Variants in PTPRD observed in about 807,000 individuals in gnomAD.
PTPRD encodes protein tyrosine phosphatase receptor type D.
Under a neutral mutation model 214.5 loss-of-function variants are expected in PTPRD, and 34 were observed. The ratio of observed to expected loss-of-function variants is 0.16; its 90% CI spans 0.12 to 0.21. PTPRD has a LOEUF of 0.21. Among genes scored for constraint, PTPRD ranks in the 10% least tolerant of loss-of-function variants. The pLI, the probability that PTPRD is intolerant of heterozygous loss-of-function variation, is 1.00. For synonymous variants in PTPRD, 1,128 were observed against 845.7 expected (o/e 1.33, Z -5.79); for missense variants, 2,545 against 2,398.7 (o/e 1.06, Z -1.27).
chr9:9,568,698 C>T (rs1302215910), intron 8 of PTPRD, among the ~76,000 whole-genome samples: 1 of 151,844 alleles, frequency 6.6e-6, no homozygotes, highest in Non-Finnish European at 1.5e-5. Context: ...GTCCCTTCAT[C>T]TACTAATTAT....
chr9:8,687,117 A>G (rs991795569), intron 12 of PTPRD, among the ~76,000 whole-genome samples: 14 of 152,214 alleles, frequency 9.2e-5, no homozygotes, highest in African/African-American at 4.8e-5. Context: ...AGCAAACACT[A>G]GACTCTCCTA....
chr9:8,787,317 A>G (rs773812351), intron 11 of PTPRD, among the ~76,000 whole-genome samples: 7 of 152,184 alleles, frequency 4.6e-5, no homozygotes, highest in Middle Eastern at 3.2e-3. Flanking sequence ...CAACAGCAAT[A>G]TGGAGTCAAA....
chr9:9,753,720 GCT>G (rs968972627), intron 6 of PTPRD, among the ~76,000 whole-genome samples: 37 of 152,054 alleles, frequency 2.4e-4, no homozygotes, highest in Admixed American at 2.4e-3. Flanking sequence ...TGTCGCAGAT[GCT>G]CTCTGAAAAT....
intron 11 of PTPRD, among the ~76,000 whole-genome samples, chr9:8,975,177 G>T (rs566542985): frequency 3.3e-5 from 5 of 150,242 alleles, no homozygotes; most frequent in African/African-American, 4.9e-5. Context: ...GATACATATT[G>T]AATATATTCT....
intron 9 of PTPRD, among the ~76,000 whole-genome samples, chr9:9,364,044 T>C (rs1484526193): frequency 6.6e-6 from 1 of 151,438 alleles, no homozygotes; most frequent in East Asian, 1.9e-4. Context: ...TCTATAATAC[T>C]TTACATATTT....
intron 2 of PTPRD, among the ~76,000 whole-genome samples, chr9:10,549,325 C>T (rs2060811941): frequency 6.6e-6 from 1 of 152,010 alleles, no homozygotes; most frequent in Non-Finnish European, 1.5e-5. Flanking sequence ...CAGTGAGAAT[C>T]TAGAGTTTCA....
chr9:9,175,147 A>G (rs978724605), intron 10 of PTPRD, among the ~76,000 whole-genome samples: 2 of 152,150 alleles, frequency 1.3e-5, no homozygotes, highest in East Asian at 3.9e-4. Flanking sequence ...ATTGCTGTTT[A>G]TATGCCACCC....
At chr9:9,479,124 C>T (rs1047838651) in intron 8 of PTPRD, among the ~76,000 whole-genome samples, 3 of 149,902 alleles carry the variant, frequency 2.0e-5, no homozygotes, top group Non-Finnish European at 3.0e-5. Flanking sequence ...CATTTTGCAT[C>T]TAAGAAGAAC....
chr9:9,546,564 T>C (rs1000448161), intron 8 of PTPRD, among the ~76,000 whole-genome samples: 1 of 151,838 alleles, frequency 6.6e-6, no homozygotes, highest in African/African-American at 2.4e-5. Context: ...AGTGACCATA[T>C]TCCACCGACA....
At chr9:9,452,901 C>G (rs1463902621) in intron 8 of PTPRD, among the ~76,000 whole-genome samples, 1 of 151,434 alleles carries the variant, frequency 6.6e-6, no homozygotes, top group East Asian at 1.9e-4. Flanking sequence ...ACAAAACAAG[C>G]ACATTCTTTC....
chr9:9,974,414 T>C (rs1178207140), intron 4 of PTPRD, among the ~76,000 whole-genome samples: 1 of 152,218 alleles, frequency 6.6e-6, no homozygotes. Context: ...ATAAAATTCA[T>C]TTAACAGTAA....
At chr9:8,805,121 C>G (rs970858797) in intron 11 of PTPRD, among the ~76,000 whole-genome samples, 1 of 152,112 alleles carries the variant, frequency 6.6e-6, no homozygotes, top group African/African-American at 2.4e-5. Flanking sequence ...CAGATAGTAT[C>G]TGGAAAAATA....
intron 7 of PTPRD, among the ~76,000 whole-genome samples, chr9:9,613,860 T>C (rs181289618): frequency 1.9e-4 from 29 of 152,186 alleles, no homozygotes; most frequent in African/African-American, 6.7e-4. Context: ...AAAATATAAA[T>C]CTCTACTTTA....
chr9:10,321,164 ATTAT>A (rs775441088), intron 3 of PTPRD, among the ~76,000 whole-genome samples: 2 of 152,076 alleles, frequency 1.3e-5, no homozygotes, highest in Non-Finnish European at 2.9e-5. Flanking sequence ...AACACTAATA[ATTAT>A]TTAAGCAATC....
intron 4 of PTPRD, among the ~76,000 whole-genome samples, chr9:10,003,453 A>C (rs1198248780): frequency 1.3e-5 from 2 of 151,824 alleles, no homozygotes; most frequent in Non-Finnish European, 3.0e-5. Context: ...TTAAGATTGA[A>C]TATATATGAA....
chr9:9,999,237 G>C (rs1054857169), intron 4 of PTPRD, among the ~76,000 whole-genome samples: 11 of 152,300 alleles, frequency 7.2e-5, no homozygotes, highest in Admixed American at 6.5e-4. Context: ...TCTCCTGGAT[G>C]CACCACACTC....
chr9:8,349,441 T>G (rs1433829315), intron 39 of PTPRD, among the ~76,000 whole-genome samples: 1 of 152,174 alleles, frequency 6.6e-6, no homozygotes, highest in African/African-American at 2.4e-5. Context: ...AATGAAGGAT[T>G]GTACTTCTAA....
intron 9 of PTPRD, among the ~76,000 whole-genome samples, chr9:9,188,080 C>T (rs539683147): frequency 1.3e-5 from 2 of 152,096 alleles, no homozygotes; most frequent in South Asian, 4.1e-4. Flanking sequence ...TCCTCCTCAC[C>T]AAAGGTAAAC....
At chr9:9,503,353 G>T (rs2096481900) in intron 8 of PTPRD, among the ~76,000 whole-genome samples, 1 of 151,300 alleles carries the variant, frequency 6.6e-6, no homozygotes, top group African/African-American at 2.4e-5. Context: ...GAGATGTGTG[G>T]GTTATGCTCT....
Sources: gnomAD v4.1 joint callset for allele counts (sites outside exome capture counted in the v4.1 genomes callset) on GRCh38, gnomAD v4.1.1 for gene constraint, MANE v1.5 for transcripts, NCBI Gene and HGNC (gene_info 2026-07-23, HGNC 2026-07-21) for gene names.